SLC8A3: variants seen among roughly 807,000 people sequenced by gnomAD.
SLC8A3 encodes the protein solute carrier family 8 member A3.
In SLC8A3, 37 loss-of-function variants were observed where a neutral mutation model predicts 65.4. The ratio of observed to expected loss-of-function variants is 0.57; its 90% CI spans 0.44 to 0.74. SLC8A3 has a LOEUF of 0.74. Ranked by LOEUF, SLC8A3 falls within the 30% of genes least tolerant of loss-of-function variation. The pLI, the probability that SLC8A3 is intolerant of heterozygous loss-of-function variation, is 0.00. For synonymous variants in SLC8A3, 461 were observed against 444.5 expected, an observed-to-expected ratio of 1.04 and a Z score of -0.47; for missense variants, 1,112 against 1,172.1, an observed-to-expected ratio of 0.95 and a Z score of 0.75.
At chr14:70,164,192 T>G (rs1211987852) in intron 2 of SLC8A3, among the ~76,000 whole-genome samples, 1 of 152,132 alleles carries the variant, frequency 6.6e-6, no homozygotes, top group Non-Finnish European at 1.5e-5. Context: ...AGGAAATAAT[T>G]TCATAGGTTA....
At chr14:70,155,121 A>G (rs1447317661) in intron 2 of SLC8A3, among the ~76,000 whole-genome samples, 5 of 151,978 alleles carry the variant, frequency 3.3e-5, no homozygotes, top group Non-Finnish European at 7.4e-5. Context: ...GGGTTTCACC[A>G]TGTTGTCCAG....
At chr14:70,172,755 T>C (rs1897630693) in intron 1 of SLC8A3, among the ~76,000 whole-genome samples, 1 of 151,056 alleles carries the variant, frequency 6.6e-6, no homozygotes, top group Non-Finnish European at 1.5e-5. Context: ...GATGTACAAA[T>C]AAACACTTTT....
intron 2 of SLC8A3, among the ~76,000 whole-genome samples, chr14:70,107,745 T>G (rs909754672): frequency 1.3e-5 from 2 of 152,084 alleles, no homozygotes; most frequent in Non-Finnish European, 2.9e-5. Context: ...CAGAAATGAC[T>G]CCAGCAGGAG....
chr14:70,150,310 C>G (rs1896189034), intron 2 of SLC8A3, among the ~76,000 whole-genome samples: 1 of 152,196 alleles, frequency 6.6e-6, no homozygotes, highest in Admixed American at 6.5e-5. Context: ...ATAACTTCCT[C>G]TAGTTCAGGT....
chr14:70,179,596 T>C (rs556843964), intron 1 of SLC8A3, among the ~76,000 whole-genome samples: 11 of 152,182 alleles, frequency 7.2e-5, no homozygotes, highest in Admixed American at 5.9e-4. Context: ...GTTTTGTTCA[T>C]TCTCAAGAAC....
chr14:70,077,246 G>A (rs1211292771), intron 2 of SLC8A3, among the ~76,000 whole-genome samples: 1 of 152,162 alleles, frequency 6.6e-6, no homozygotes, highest in Non-Finnish European at 1.5e-5. Context: ...CCGTGGTCTG[G>A]TCTGCGGAAG....
chr14:70,072,716 C>T (rs187407521), intron 2 of SLC8A3, among the ~76,000 whole-genome samples: 4 of 152,272 alleles, frequency 2.6e-5, no homozygotes, highest in African/African-American at 9.6e-5. Flanking sequence ...AGCATGATCT[C>T]GACTCACTGC....
intron 2 of SLC8A3, chr14:70,064,034 G>T: frequency 1.5e-6 from 1 of 673,698 alleles, no homozygotes; most frequent in Non-Finnish European, 2.6e-6. Flanking sequence ...GATTCAGAAA[G>T]ATCCAAGTTT....
At chr14:70,050,962 A>G in intron 5 of SLC8A3, 46 bp downstream of exon 5, 1 of 1,243,208 alleles carries the variant, frequency 8.0e-7, no homozygotes, top group East Asian at 2.3e-5. Context: ...TCCTTCTCAG[A>G]GGTTGCCTGC....
chr14:70,134,734 G>A (rs539053121), intron 2 of SLC8A3, among the ~76,000 whole-genome samples: 14 of 152,028 alleles, frequency 9.2e-5, no homozygotes, highest in Non-Finnish European at 1.6e-4. Context: ...TTCACACAGC[G>A]GTCTTTAAAG....
At chr14:70,150,748 A>G (rs183827030) in intron 2 of SLC8A3, among the ~76,000 whole-genome samples, 3 of 152,300 alleles carry the variant, frequency 2.0e-5, no homozygotes, top group Admixed American at 1.3e-4. Flanking sequence ...GTAGCTCAGG[A>G]CAAGCTTTAA....
At chr14:70,164,021 A>G (rs998130794) in intron 2 of SLC8A3, among the ~76,000 whole-genome samples, 1 of 151,986 alleles carries the variant, frequency 6.6e-6, no homozygotes, top group Non-Finnish European at 1.5e-5. Context: ...AACCTAAACA[A>G]CTCCACAGTG....
At chr14:70,110,212 G>GT (rs1181260679) in intron 2 of SLC8A3, among the ~76,000 whole-genome samples, 1 of 152,096 alleles carries the variant, frequency 6.6e-6, no homozygotes, top group Non-Finnish European at 1.5e-5. Context: ...TTATACTCAA[G>GT]TTTTTTAAAA....
Position 70,053,567 on chromosome 14 carries a change from G to A in SLC8A3, c.1889-1453C>T, listed in dbSNP as rs1373696867. Among the ~76,000 whole-genome samples, 7 of 152,176 alleles carry A rather than the reference G, an allele frequency of 4.6e-5. 1 individual carries two copies. In the East Asian group the frequency reaches 1.3e-3, roughly 29 times the overall value. ...TTCCCCCATGTCATACTTTACATGT[G>A]ACACAATAACTTTATACCAATATAA... On this transcript the variant is annotated intron_variant, in intron 3 of 6. Transcript: ENST00000356921.
At chr14:70,172,499 C>T (rs1032697828) in intron 1 of SLC8A3, among the ~76,000 whole-genome samples, 1 of 152,090 alleles carries the variant, frequency 6.6e-6, no homozygotes, top group Admixed American at 6.5e-5. Flanking sequence ...GGTGACTGTC[C>T]CACACCTGCT....
Position 70,107,258 on chromosome 14 carries a change from A to G in SLC8A3, c.1785-46319T>C, listed in dbSNP as rs184030518. On this transcript the variant is annotated intron_variant, in intron 2 of 6. Coordinates refer to ENST00000356921, the MANE Select transcript of SLC8A3 (RefSeq NM_182932.3). ...CTGTTTGCTCCACAGACTAAAAATGAACTAGAAAAAAAAAATCAGATAACT... is the reference window on the plus strand; with the variant it reads ...CTGTTTGCTCCACAGACTAAAAATGGACTAGAAAAAAAAAATCAGATAACT... Among the ~76,000 whole-genome samples the G allele has an allele frequency of 2.8e-3, 424 of 151,422 alleles. 11 individuals carry two copies. The highest frequency in any genetic ancestry group is 9.9e-3 in the African/African-American group (403 of 40,722).
chr14:70,181,095 A>G (rs1882712345), intron 1 of SLC8A3, among the ~76,000 whole-genome samples: 1 of 152,226 alleles, frequency 6.6e-6, no homozygotes, highest in Non-Finnish European at 1.5e-5. Context: ...GGAGCATAAA[A>G]GTCAACACAT....
At chr14:70,086,699 C>CT (rs994311230) in intron 2 of SLC8A3, among the ~76,000 whole-genome samples, 23 of 151,602 alleles carry the variant, frequency 1.5e-4, no homozygotes, top group Admixed American at 9.2e-4. Context: ...CAATTTCTTT[C>CT]TTTTTTTTTC....
intron 2 of SLC8A3, among the ~76,000 whole-genome samples, chr14:70,111,739 T>C (rs1271814366): frequency 2.0e-5 from 3 of 152,196 alleles, no homozygotes; most frequent in Non-Finnish European, 2.9e-5. Flanking sequence ...ATTGAGAAAG[T>C]GCATGCGAAA....
Sources: gnomAD v4.1 joint callset for allele counts (sites outside exome capture counted in the v4.1 genomes callset) on GRCh38, gnomAD v4.1.1 for gene constraint, MANE v1.5 for transcripts, NCBI Gene and HGNC (gene_info 2026-07-23, HGNC 2026-07-21) for gene names.